The following MAPKAPK2 variants were observed in gnomAD, a reference collection of about 807,000 sequenced individuals.
MAPKAPK2 encodes the protein MAP kinase-activated protein kinase 2.
A neutral mutation model predicts 48.8 loss-of-function variants in MAPKAPK2; 9 were observed. The ratio of observed to expected loss-of-function variants is 0.18; its 90% confidence interval spans 0.11 to 0.32. The LOEUF is 0.32. MAPKAPK2 is among the 10% of genes least tolerant of loss of function. The pLI, the probability that MAPKAPK2 is intolerant of heterozygous loss-of-function variation, is 1.00. For missense variants in MAPKAPK2, 331 were observed against 498.3 expected, an observed-to-expected ratio of 0.66 and a Z score of 3.20; for synonymous variants, 202 against 190.6, an observed-to-expected ratio of 1.06 and a Z score of -0.49.
chr1:206,696,276 ATGT>A lies in MAPKAPK2; in HGVS notation c.279+10773_279+10775del, dbSNP rs1672622660. ...TCCCCTTTCAAGGTGCCATTTCTGCATGTTGTTTCCAGACTCCGCACAGGAACG... is the reference window on the plus strand; with the variant it reads ...TCCCCTTTCAAGGTGCCATTTCTGCATGTTTCCAGACTCCGCACAGGAACG... On this transcript the variant is annotated intron_variant, in intron 1 of 9. Coordinates refer to ENST00000367103, the MANE Select transcript of MAPKAPK2 (RefSeq NM_032960.4). 3.3e-6 allele frequency: 4 copies of A among 1,202,394 alleles called. No homozygotes were observed. The South Asian group carries it at 4.8e-5, about 15-fold the overall frequency. 74.5% of individuals were successfully genotyped at this position (1,202,394 alleles called of 1,614,324 possible).
Position 206,731,797 on chromosome 1 carries a change from C to T in MAPKAPK2, c.979-42C>T. ...ACAGGACAGAGTCTTAGCCAGGACCCTACCCCAGGCTTTCACTCGGACCCC... is the reference window on the plus strand; with the variant it reads ...ACAGGACAGAGTCTTAGCCAGGACCTTACCCCAGGCTTTCACTCGGACCCC... On this transcript the variant is annotated intron_variant, in intron 8 of 9. Transcript: ENST00000367103. The surrounding 1 kb of genome is among the most constrained non-coding windows in gnomAD (Gnocchi z 5.9). The T allele has an allele frequency of 3.7e-6, 6 of 1,609,510 alleles. No homozygotes were observed. The highest frequency in any genetic ancestry group is 5.1e-6 in the Non-Finnish European group (6 of 1,175,846).
At chr1:206,728,678 C>A in intron 1 of MAPKAPK2, 32 bp from the exon 2 acceptor site, 1 of 1,604,404 alleles carries the variant, frequency 6.2e-7, no homozygotes, top group South Asian at 1.1e-5. Flanking sequence ...CATGTGACAG[C>A]GCAGTTACTC....
chr1:206,698,343 C>G lies in MAPKAPK2; in HGVS notation c.279+12835C>G, dbSNP rs149934907. On this transcript the variant is annotated intron_variant, in intron 1 of 9. Coordinates refer to ENST00000367103, the MANE Select transcript of MAPKAPK2 (RefSeq NM_032960.4). ...ATGAGAAGAATTTAGAACATTGATC[C>G]TTCCAGCAGCTTAGACTAGACCCCT... Among the ~76,000 whole-genome samples the G allele has an allele frequency of 2.0e-5, 3 of 152,290 alleles. No individual in the cohort carries two copies. In the East Asian group the frequency reaches 5.8e-4, roughly 29 times the overall value.
At chr1:206,710,571 A>T (rs1402342149) in intron 1 of MAPKAPK2, among the ~76,000 whole-genome samples, 4 of 152,242 alleles carry the variant, frequency 2.6e-5, no homozygotes, top group African/African-American at 4.8e-5. Context: ...ACTGTTCAAG[A>T]CTACATATAC....
intron 1 of MAPKAPK2, among the ~76,000 whole-genome samples, chr1:206,715,367 G>A (rs919718122): frequency 5.9e-5 from 9 of 152,096 alleles, no homozygotes; most frequent in Non-Finnish European, 1.2e-4. Context: ...TACTCCCTTC[G>A]GGCCTGTCCT....
intron 1 of MAPKAPK2, among the ~76,000 whole-genome samples, chr1:206,725,066 G>A (rs942698063): frequency 2.0e-4 from 30 of 152,316 alleles, no homozygotes; most frequent in Non-Finnish European, 1.5e-4. Context: ...AAATGCATGC[G>A]ATTGCAAAGC....
chr1:206,691,891 C>G (rs781852869), intron 1 of MAPKAPK2, among the ~76,000 whole-genome samples: 7 of 152,168 alleles, frequency 4.6e-5, no homozygotes, highest in Non-Finnish European at 1.0e-4. Flanking sequence ...TCATCACTGA[C>G]CAGCTGCTCC....
rs1672542596 is a variant in MAPKAPK2 at position 206,694,144 on chromosome 1, T to C, written c.279+8636T>C. ...GTTCTTCAGCGTGGCGTTAGTATTCTTTCTGATTTTTTCTAATCCCTAGAC... is the reference window on the plus strand; with the variant it reads ...GTTCTTCAGCGTGGCGTTAGTATTCCTTCTGATTTTTTCTAATCCCTAGAC... On this transcript the variant is annotated intron_variant, in intron 1 of 9. Transcript: ENST00000367103. 1.3e-5 allele frequency among the ~76,000 whole-genome samples: 2 copies of C among 152,248 alleles called. 1 individual carries two copies. The highest frequency in any genetic ancestry group is 4.1e-4 in the South Asian group (2 of 4,828).
At chr1:206,701,139 TG>T (rs1672781297) in intron 1 of MAPKAPK2, among the ~76,000 whole-genome samples, 1 of 151,884 alleles carries the variant, frequency 6.6e-6, no homozygotes, top group Non-Finnish European at 1.5e-5. Context: ...GTGGAGGGAG[TG>T]GGGCCAGAAT....
intron 1 of MAPKAPK2, among the ~76,000 whole-genome samples, chr1:206,722,910 T>C (rs28394820): frequency 0.15 from 23,588 of 152,246 alleles, 2,235 homozygotes; most frequent in Non-Finnish European, 0.22. Context: ...TGGGTGGCCC[T>C]GGCCTGGAGG....
intron 1 of MAPKAPK2, among the ~76,000 whole-genome samples, chr1:206,721,957 C>G (rs971664219): frequency 6.6e-6 from 1 of 151,898 alleles, no homozygotes; most frequent in Middle Eastern, 3.4e-3. Context: ...CCCAGCTACT[C>G]GGGAGGCAGA....
chr1:206,693,432 A>G (rs1382300222), intron 1 of MAPKAPK2, among the ~76,000 whole-genome samples: 1 of 152,120 alleles, frequency 6.6e-6, no homozygotes, highest in Middle Eastern at 3.4e-3. Flanking sequence ...GAGACGTGCT[A>G]TGGTTTTTAT....
chr1:206,708,579 T>C (rs1673037872), intron 1 of MAPKAPK2, among the ~76,000 whole-genome samples: 1 of 152,210 alleles, frequency 6.6e-6, no homozygotes, highest in Non-Finnish European at 1.5e-5. Context: ...TACATAGGCA[T>C]TAATTTGAGT....
At chr1:206,720,895 A>G (rs1281203118) in intron 1 of MAPKAPK2, among the ~76,000 whole-genome samples, 1 of 152,220 alleles carries the variant, frequency 6.6e-6, no homozygotes, top group Non-Finnish European at 1.5e-5. Context: ...ACATTTCCCC[A>G]TTTAATATTC....
At chr1:206,730,157 C>A in intron 5 of MAPKAPK2, 59 bp downstream of exon 5, 2 of 1,604,428 alleles carry the variant, frequency 1.2e-6, no homozygotes, top group Non-Finnish European at 8.5e-7. Context: ...TCAGCCCCTC[C>A]TCTTGGCTAT....
intron 6 of MAPKAPK2, among the ~76,000 whole-genome samples, 186 bp downstream of exon 6, chr1:206,730,949 G>A (rs189747015): frequency 2.0e-5 from 3 of 152,280 alleles, no homozygotes; most frequent in East Asian, 3.9e-4. Context: ...GAAAGTGTGC[G>A]CCTTAGATAC....
In MAPKAPK2 at chr1:206,730,052, CA is replaced by C. The variant is rs1553432412; in HGVS notation, c.646del (p.Ser216AlafsTer5). ...TDFGFAKETT[S>X]HNSLTTPCYT... Reference sequence around the variant, plus strand: ...ACTTTGGCTTTGCCAAGGAAACCACCAGCCACAACTCTTTGACCACTCCTTG... The same window carrying C: ...ACTTTGGCTTTGCCAAGGAAACCACCGCCACAACTCTTTGACCACTCCTTG... On this transcript the variant is annotated frameshift_variant, in exon 5 of 10. Transcript: ENST00000367103. LOFTEE classifies it high-confidence loss of function. The C allele has an allele frequency of 6.2e-7, 1 of 1,614,242 alleles. No individual in the cohort carries two copies. The highest frequency in any genetic ancestry group is 8.5e-7 in the Non-Finnish European group (1 of 1,180,034).
intron 1 of MAPKAPK2, among the ~76,000 whole-genome samples, chr1:206,692,055 T>C (rs1485394975): frequency 6.6e-6 from 1 of 152,238 alleles, no homozygotes; most frequent in African/African-American, 2.4e-5. Context: ...GGAACTCTAT[T>C]CCCTGTTTGA....
At position 206,693,987 on chromosome 1, in the gene MAPKAPK2, T is replaced by C. The variant is rs569225696; in HGVS notation, c.279+8479T>C. 1.3e-5 allele frequency among the ~76,000 whole-genome samples: 2 copies of C among 152,280 alleles called. 1 individual carries two copies. Among genetic ancestry groups the C allele is most frequent in the South Asian group, 4.1e-4 (2 of 4,820 alleles). Reference sequence around the variant, plus strand: ...TGACTGCAGTATTGATGTGTGTCCATGGAGGTGTGGCCTCTTCCTCTACTC... The same window carrying C: ...TGACTGCAGTATTGATGTGTGTCCACGGAGGTGTGGCCTCTTCCTCTACTC... On this transcript the variant is annotated intron_variant, in intron 1 of 9. Transcript: ENST00000367103.
Sources: gnomAD v4.1 joint callset for allele counts (sites outside exome capture counted in the v4.1 genomes callset) on GRCh38, gnomAD v4.1.1 for gene constraint, Gnocchi (gnomAD v3.1) non-coding constraint, MANE v1.5 for transcripts, NCBI Gene and HGNC (gene_info 2026-07-23, HGNC 2026-07-21) for gene names.